Variants in ZMYM2 observed in about 807,000 individuals in gnomAD.
ZMYM2 encodes zinc finger MYM-type protein 2.
ZMYM2 carries 56 observed loss-of-function variants against 162.8 expected under a neutral mutation model. The ratio of observed to expected loss-of-function variants is 0.34; its 90% CI spans 0.28 to 0.43. The LOEUF is 0.43. Among genes scored for constraint, ZMYM2 ranks in the 20% least tolerant of loss-of-function variants. The probability of loss-of-function intolerance (pLI) is 1.00; values close to 1 mark genes in which losing one functional copy is unlikely to be tolerated. For synonymous variants in ZMYM2, 510 were observed against 541.6 expected (o/e 0.94, Z 0.81); for missense variants, 1,275 against 1,621.8 (o/e 0.79, Z 3.67).
At chr13:19,876,141 C>T in the ZMYM2 span, among the ~76,000 whole-genome samples, 1 of 151,924 alleles carries the variant, frequency 6.6e-6, no homozygotes, top group Non-Finnish European at 1.5e-5. Context: ...ATTCTCCTGC[C>T]TCAGCCTCCC....
intron 2 of ZMYM2, among the ~76,000 whole-genome samples, chr13:19,973,029 A>G (rs1425243578): frequency 6.6e-6 from 1 of 151,004 alleles, no homozygotes; most frequent in Non-Finnish European, 1.5e-5. Context: ...CTCTACCTCC[A>G]GGGTTCAAGC....
At chr13:19,869,619 C>G in the ZMYM2 span, among the ~76,000 whole-genome samples, 1 of 151,926 alleles carries the variant, frequency 6.6e-6, no homozygotes. Flanking sequence ...AAAATCCTGT[C>G]TCTACAAAAA....
chr13:20,038,392 G>A (rs1953931180), intron 12 of ZMYM2, among the ~76,000 whole-genome samples: 1 of 152,042 alleles, frequency 6.6e-6, no homozygotes, highest in Admixed American at 6.6e-5. Context: ...TGGCTTCAGG[G>A]GTTTTTATAG....
At chr13:20,023,294 A>G (rs2140215834) in intron 7 of ZMYM2, among the ~76,000 whole-genome samples, 1 of 152,344 alleles carries the variant, frequency 6.6e-6, no homozygotes, top group East Asian at 1.9e-4. Context: ...TGCAGCCTAT[A>G]TCTTGGGGCG....
At chr13:20,066,360 C>A (rs1271586643) in intron 19 of ZMYM2, among the ~76,000 whole-genome samples, 1 of 152,094 alleles carries the variant, frequency 6.6e-6, no homozygotes. Flanking sequence ...TTCACTGAGC[C>A]CCCCTGCACA....
At chr13:20,042,129 T>C (rs1289316635) in intron 12 of ZMYM2, among the ~76,000 whole-genome samples, 5 of 152,232 alleles carry the variant, frequency 3.3e-5, no homozygotes, top group Admixed American at 3.3e-4. Flanking sequence ...GAAGTTCTCA[T>C]GGATGATATC....
chr13:19,900,155 G>T, the ZMYM2 span, among the ~76,000 whole-genome samples: 3 of 151,872 alleles, frequency 2.0e-5, no homozygotes, highest in African/African-American at 7.2e-5. Context: ...ACAAAAATTA[G>T]CCGGGTGTGG....
intron 21 of ZMYM2, among the ~76,000 whole-genome samples, chr13:20,072,914 C>CT (rs1350736675): frequency 0.013 from 1,818 of 144,460 alleles, 31 homozygotes; most frequent in African/African-American, 0.035. Context: ...TTTCTTAGTT[C>CT]TTTTTTTTTT....
chr13:19,992,041 T>A (rs529940830), intron 2 of ZMYM2, among the ~76,000 whole-genome samples: 18 of 152,328 alleles, frequency 1.2e-4, no homozygotes, highest in Admixed American at 1.0e-3. Flanking sequence ...AGTCCCTTTT[T>A]CCATGTAAGG....
At chr13:19,947,439 CT>C in the ZMYM2 span, among the ~76,000 whole-genome samples, 1 of 140,286 alleles carries the variant, frequency 7.1e-6, no homozygotes, top group African/African-American at 2.6e-5. Context: ...TGTATCGCTT[CT>C]TCTTCTTCGT....
At chr13:19,945,850 G>A in the ZMYM2 span, among the ~76,000 whole-genome samples, 1 of 151,042 alleles carries the variant, frequency 6.6e-6, no homozygotes, top group Non-Finnish European at 1.5e-5. Flanking sequence ...TTGGGAGGCC[G>A]AGGCAGGAGA....
chr13:19,880,749 T>G, the ZMYM2 span, among the ~76,000 whole-genome samples: 2 of 152,314 alleles, frequency 1.3e-5, no homozygotes, highest in East Asian at 3.9e-4. Context: ...TTTCTTAATT[T>G]TCTTTTTGGA....
intron 9 of ZMYM2, among the ~76,000 whole-genome samples, chr13:20,029,903 T>C (rs1952929343): frequency 6.6e-6 from 1 of 151,858 alleles, no homozygotes; most frequent in South Asian, 2.1e-4. Context: ...GTTCAAGTGA[T>C]TCTGCCTCAG....
intron 12 of ZMYM2, among the ~76,000 whole-genome samples, chr13:20,044,434 C>T (rs1954571166): frequency 6.6e-6 from 1 of 152,162 alleles, no homozygotes; most frequent in Non-Finnish European, 1.5e-5. Context: ...TCTCCTTAAG[C>T]CAAGCTTCTC....
chr13:19,964,398 T>C (rs1403757200), intron 2 of ZMYM2, among the ~76,000 whole-genome samples: 1 of 151,588 alleles, frequency 6.6e-6, no homozygotes, highest in East Asian at 1.9e-4. Flanking sequence ...AAAAATAAAG[T>C]GATTATTCAC....
intron 2 of ZMYM2, among the ~76,000 whole-genome samples, chr13:19,968,604 C>T (rs570886165): frequency 2.6e-5 from 4 of 152,336 alleles, no homozygotes; most frequent in South Asian, 2.1e-4. Context: ...GTGTCCTTTA[C>T]TGTCATCTTT....
chr13:19,957,897 C>T (rs1954660174), upstream of ZMYM2, among the ~76,000 whole-genome samples: 1 of 152,222 alleles, frequency 6.6e-6, no homozygotes, highest in African/African-American at 2.4e-5. Context: ...TCCCCTGTGG[C>T]CCCGCGGACG....
At chr13:19,976,809 C>G (rs950940265) in intron 2 of ZMYM2, among the ~76,000 whole-genome samples, 1 of 152,072 alleles carries the variant, frequency 6.6e-6, no homozygotes, top group African/African-American at 2.4e-5. Context: ...TTGTTTAAGC[C>G]CCTTCCATTT....
intron 2 of ZMYM2, among the ~76,000 whole-genome samples, chr13:19,961,825 A>C (rs1310090295): frequency 6.6e-6 from 1 of 152,246 alleles, no homozygotes; most frequent in Non-Finnish European, 1.5e-5. Context: ...TGTGCTAGAC[A>C]GTAAGATGAA....
Sources: allele counts gnomAD v4.1 joint callset (sites outside exome capture counted in the v4.1 genomes callset), GRCh38; gene constraint gnomAD v4.1.1; transcripts MANE v1.5; gene names NCBI Gene and HGNC (gene_info 2026-07-23, HGNC 2026-07-21).